Variants in CACNA1A observed in about 807,000 individuals in gnomAD.
The protein encoded by CACNA1A is voltage-dependent P/Q-type calcium channel subunit alpha-1A.
A neutral mutation model predicts 262.4 loss-of-function variants in CACNA1A; 57 were observed. The ratio of observed to expected loss-of-function variants is 0.22; its 90% CI spans 0.18 to 0.27. The LOEUF is 0.27. CACNA1A is among the 10% of genes least tolerant of loss of function. The pLI is 1.00. For synonymous variants in CACNA1A, 1,431 were observed against 1,419.3 expected (o/e 1.01, Z -0.18); for missense variants, 2,526 against 3,562.8 (o/e 0.71, Z 7.41).
At chr19:13,313,185 G>T (rs1317602076) in intron 11 of CACNA1A, among the ~76,000 whole-genome samples, 1 of 151,926 alleles carries the variant, frequency 6.6e-6, no homozygotes, top group African/African-American at 2.4e-5. Context: ...CCTTCCCATG[G>T]GCCTCAGTTT....
At chr19:13,274,104 AGAG>A (rs764238410) in intron 24 of CACNA1A, 7 of 152,080 alleles carry the variant, frequency 4.6e-5, no homozygotes, top group Non-Finnish European at 7.4e-5. Flanking sequence ...GTGGGGAGGG[AGAG>A]GAGAAGAGAA....
At chr19:13,439,066 CCCCTGTTT>C (rs2060664418) in intron 3 of CACNA1A, among the ~76,000 whole-genome samples, 2 of 151,816 alleles carry the variant, frequency 1.3e-5, no homozygotes, top group Non-Finnish European at 2.9e-5. Context: ...CTATCCTGTT[CCCCTGTTT>C]CCTGGTATTG....
chr19:13,272,139 T>C (rs1260870198), intron 24 of CACNA1A: 1 of 152,300 alleles, frequency 6.6e-6, no homozygotes, highest in East Asian at 1.9e-4. Flanking sequence ...AAAGTGACAT[T>C]GGAGACCTGA....
At chr19:13,335,933 C>G in intron 6 of CACNA1A, 24 bp from the exon 7 acceptor site, 1 of 1,440,742 alleles carries the variant, frequency 6.9e-7, no homozygotes, top group Non-Finnish European at 9.6e-7. Context: ...GGAGGGAAAG[C>G]AGGTGAGAGT....
At chr19:13,360,909 GA>G (rs2059099599) in intron 5 of CACNA1A, among the ~76,000 whole-genome samples, 2 of 152,160 alleles carry the variant, frequency 1.3e-5, no homozygotes, top group African/African-American at 4.8e-5. Context: ...ATTACGGTCA[GA>G]AAATATGTTT....
intron 19 of CACNA1A, among the ~76,000 whole-genome samples, chr19:13,288,666 G>C (rs185510065): frequency 6.6e-6 from 1 of 152,242 alleles, no homozygotes; most frequent in East Asian, 1.9e-4. Flanking sequence ...CCTGGGCCCT[G>C]CCTCTTGCCA....
intron 28 of CACNA1A, among the ~76,000 whole-genome samples, chr19:13,255,705 T>TCCCCTCCCTCCCTCCTTCTC (rs2056532573): frequency 3.1e-5 from 1 of 31,850 alleles, no homozygotes; most frequent in Non-Finnish European, 6.4e-5. Context: ...CCCTCCTTCC[T>TCCCCTCCCTCCCTCCTTCTC]TCCCTCCCTC....
chr19:13,333,247 C>T (rs1180705842), intron 8 of CACNA1A, among the ~76,000 whole-genome samples: 2 of 152,166 alleles, frequency 1.3e-5, no homozygotes, highest in East Asian at 3.9e-4. Context: ...TCTGTTTCAG[C>T]TGCACTGGCT....
chr19:13,302,132 G>T (rs2057800575), intron 17 of CACNA1A, among the ~76,000 whole-genome samples: 1 of 152,156 alleles, frequency 6.6e-6, no homozygotes, highest in African/African-American at 2.4e-5. Context: ...TCAAATCCCA[G>T]CTCCACAACT....
At chr19:13,262,921 C>T (rs2056771363) in intron 24 of CACNA1A, 88 bp from the exon 25 acceptor site, 2 of 844,396 alleles carry the variant, frequency 2.4e-6, no homozygotes, top group Non-Finnish European at 2.0e-6. Flanking sequence ...CCATGGGACC[C>T]TACCCTCCCA....
intron 6 of CACNA1A, among the ~76,000 whole-genome samples, chr19:13,359,120 G>A (rs1031394321): frequency 2.6e-5 from 4 of 152,180 alleles, no homozygotes; most frequent in Admixed American, 1.3e-4. Flanking sequence ...CAGGATCCTG[G>A]TAACTTAAAA....
rs1301624892 is a variant in CACNA1A, at chr19:13,207,992, C to T, written c.6842G>A (p.Arg2281Gln). Residue 2281 changes from arginine (R) to glutamine (Q), a missense_variant, in exon 47 of 47, where the codon CGG becomes CAG. Coordinates refer to ENST00000360228, the MANE Select transcript of CACNA1A (RefSeq NM_001127222.2). The surrounding 1 kb of genome is among the most constrained non-coding windows in gnomAD (Gnocchi z 5.7). ...GGTCTGGGGGAGCTGGCGGCGGCCC[C>T]GCCGCGGAGTGCTGGTACCAGATGT... ...PSTSGTSTPRRGRRQLPQTPS... is the reference protein window; with the variant it reads ...PSTSGTSTPRQGRRQLPQTPS... The T allele has an allele frequency of 1.1e-5, 15 of 1,332,578 alleles. No individual in the cohort carries two copies. The highest frequency in any genetic ancestry group is 3.1e-5 in the East Asian group (1 of 32,498). The allele number at this position is 1,332,578 out of a possible 1,614,324, so 82.5% of individuals were successfully genotyped here.
intron 3 of CACNA1A, among the ~76,000 whole-genome samples, chr19:13,396,647 G>GTTGAA (rs1320255021): frequency 6.6e-6 from 1 of 152,202 alleles, no homozygotes. Flanking sequence ...CTATCCTGCT[G>GTTGAA]TACCATGCAG....
chr19:13,465,885 G>A (rs1182943537), intron 1 of CACNA1A, among the ~76,000 whole-genome samples: 1 of 152,118 alleles, frequency 6.6e-6, no homozygotes, highest in African/African-American at 2.4e-5. Context: ...TATCACACTT[G>A]GTTTATCTGT....
rs755685706 is a variant in CACNA1A at position 13,245,167 on chromosome 19, T to G, written c.4950+15A>C. 52 of 1,607,810 alleles carry G rather than the reference T, an allele frequency of 3.2e-5. No individual in the cohort carries two copies. In the Admixed American group the frequency reaches 4.2e-4, roughly 13 times the overall value. On this transcript the variant is annotated intron_variant, in intron 31 of 46. Coordinates refer to ENST00000360228, the MANE Select transcript of CACNA1A (RefSeq NM_001127222.2). ...AGCCCAGAGTCACCCAGAGAGAAGC[T>G]GGAGGGAGACTTACCCCAAACTCAG... is the stretch of plus-strand genomic sequence containing the variant.
chr19:13,343,710 G>A (rs72997510), intron 6 of CACNA1A, among the ~76,000 whole-genome samples: 14,765 of 151,992 alleles, frequency 0.097, 965 homozygotes, highest in East Asian at 0.37. Context: ...TGGATATTAC[G>A]CAACATGCTC....
intron 3 of CACNA1A, among the ~76,000 whole-genome samples, chr19:13,432,367 A>G (rs932938488): frequency 2.6e-5 from 4 of 151,718 alleles, no homozygotes; most frequent in Non-Finnish European, 4.4e-5. Flanking sequence ...GTGAGCCAAG[A>G]TGGCACCATT....
At chr19:13,271,766 A>AC (rs1555748260) in intron 24 of CACNA1A, 1 of 139,638 alleles carries the variant, frequency 7.2e-6, no homozygotes, top group East Asian at 2.1e-4. Flanking sequence ...CCTCCTCAGC[A>AC]TTTTTTTTTT....
At chr19:13,219,010 A>G (rs980376080) in intron 38 of CACNA1A, among the ~76,000 whole-genome samples, 9 of 150,276 alleles carry the variant, frequency 6.0e-5, no homozygotes, top group Non-Finnish European at 1.3e-4. Flanking sequence ...CCAGGATTAC[A>G]GGCGTAAGCC....
Sources: gnomAD v4.1 joint callset for allele counts (sites outside exome capture counted in the v4.1 genomes callset) on GRCh38, gnomAD v4.1.1 for gene constraint, Gnocchi (gnomAD v3.1) non-coding constraint, MANE v1.5 for transcripts, NCBI Gene and HGNC (gene_info 2026-07-23, HGNC 2026-07-21) for gene names.